INPP4B: variants seen among roughly 807,000 people sequenced by gnomAD.
INPP4B encodes the protein inositol polyphosphate 4-phosphatase type II.
INPP4B carries 55 observed loss-of-function variants against 122.5 expected under a neutral mutation model. The observed-to-expected ratio is 0.45, with a 90% CI of 0.36 to 0.56. The LOEUF (loss-of-function observed/expected upper bound fraction) is 0.56. INPP4B is among the 20% of genes least tolerant of loss of function. INPP4B has a pLI of 0.00. For synonymous variants in INPP4B, 403 were observed against 388.7 expected (o/e 1.04, Z -0.43); for missense variants, 1,000 against 1,097.7 (o/e 0.91, Z 1.26).
chr4:142,354,941 T>C (rs1164087528), intron 7 of INPP4B, among the ~76,000 whole-genome samples: 2 of 152,018 alleles, frequency 1.3e-5, no homozygotes, highest in Non-Finnish European at 2.9e-5. Context: ...TTGTCTCATC[T>C]GGGCTCACTC....
intron 2 of INPP4B, among the ~76,000 whole-genome samples, chr4:142,462,974 T>A (rs1817016060): frequency 6.6e-6 from 1 of 152,228 alleles, no homozygotes; most frequent in Non-Finnish European, 1.5e-5. Flanking sequence ...TGCTTAAGTG[T>A]GCCAAGTACT....
chr4:142,114,123 G>T (rs1415711399), intron 21 of INPP4B, among the ~76,000 whole-genome samples: 1 of 151,996 alleles, frequency 6.6e-6, no homozygotes, highest in East Asian at 1.9e-4. Flanking sequence ...AGTCATCCAT[G>T]TTGTGGCATG....
chr4:142,068,023 T>C (rs1764651226), intron 25 of INPP4B, among the ~76,000 whole-genome samples: 1 of 152,000 alleles, frequency 6.6e-6, no homozygotes, highest in African/African-American at 2.4e-5. Context: ...CCAAGACACA[T>C]AATTGTCAGA....
At chr4:142,130,473 G>C (rs149751000) in intron 18 of INPP4B, among the ~76,000 whole-genome samples, 30 of 152,254 alleles carry the variant, frequency 2.0e-4, no homozygotes, top group South Asian at 6.2e-4. Context: ...GAGGTCGATA[G>C]GGGTGGGGAT....
chr4:142,578,605 T>C (rs936256406), intron 2 of INPP4B, among the ~76,000 whole-genome samples: 11 of 151,882 alleles, frequency 7.2e-5, no homozygotes, highest in African/African-American at 2.7e-4. Flanking sequence ...TTCCTCTTCT[T>C]ATAAGGACAC....
At chr4:142,459,150 A>G (rs1410176924) in intron 3 of INPP4B, among the ~76,000 whole-genome samples, 1 of 152,184 alleles carries the variant, frequency 6.6e-6, no homozygotes, top group Non-Finnish European at 1.5e-5. Flanking sequence ...TGTGTTTGTT[A>G]GGAAAGGTTA....
chr4:142,082,240 T>C (rs917919465), intron 24 of INPP4B, 55 bp from the exon 25 acceptor site: 5 of 1,407,098 alleles, frequency 3.6e-6, no homozygotes, highest in African/African-American at 2.8e-5. Flanking sequence ...CCGTAAAGTG[T>C]CGGCCTCCTC....
At chr4:142,125,653 T>C (rs1798337340) in intron 18 of INPP4B, among the ~76,000 whole-genome samples, 1 of 152,092 alleles carries the variant, frequency 6.6e-6, no homozygotes, top group East Asian at 1.9e-4. Flanking sequence ...CTCCAGGAAG[T>C]CTTCCTTCAT....
chr4:142,175,023 T>C (rs1827453589), intron 15 of INPP4B, among the ~76,000 whole-genome samples: 1 of 152,056 alleles, frequency 6.6e-6, no homozygotes, highest in African/African-American at 2.4e-5. Context: ...GGAAGAGGCA[T>C]TCCAGCAGGA....
chr4:142,500,326 C>G (rs1241179224), intron 2 of INPP4B, among the ~76,000 whole-genome samples: 1 of 152,100 alleles, frequency 6.6e-6, no homozygotes, highest in East Asian at 1.9e-4. Context: ...CCCCTGAGGC[C>G]AGGACATTAC....
chr4:142,646,049 A>T (rs1039977423), intron 2 of INPP4B, among the ~76,000 whole-genome samples: 1 of 152,182 alleles, frequency 6.6e-6, no homozygotes. Context: ...GCCAGGGTAA[A>T]CTGAAGGATG....
chr4:142,277,762 C>T (rs745514627), intron 9 of INPP4B, among the ~76,000 whole-genome samples: 4 of 151,140 alleles, frequency 2.6e-5, no homozygotes, highest in African/African-American at 4.9e-5. Flanking sequence ...TTTGCAGCAA[C>T]CTGGATGGAA....
intron 14 of INPP4B, among the ~76,000 whole-genome samples, chr4:142,204,872 A>T (rs1842035478): frequency 6.6e-6 from 1 of 152,016 alleles, no homozygotes; most frequent in Admixed American, 6.6e-5. Context: ...CAGCCCCCAG[A>T]ATTGTGAAAA....
rs191288374 is a variant in INPP4B, at chr4:142,289,081, C to A, written c.503+16377G>T. The stretch of plus-strand genomic sequence containing the variant: ...TATCTTTATTATACTTTCTCCTCTC[C>A]ATTCTGGTATTGTTTAATAAATTGA... On this transcript the variant is annotated intron_variant, in intron 9 of 25. Coordinates refer to ENST00000262992, the MANE Select transcript of INPP4B (RefSeq NM_001101669.3). Among the ~76,000 whole-genome samples, 14 of 152,176 alleles carry A rather than the reference C, an allele frequency of 9.2e-5. No homozygotes were observed. The East Asian group carries it at 2.5e-3, about 27-fold the overall frequency.
At chr4:142,057,877 C>T (rs1282787121) in intron 25 of INPP4B, among the ~76,000 whole-genome samples, 4 of 152,100 alleles carry the variant, frequency 2.6e-5, no homozygotes, top group African/African-American at 9.7e-5. Context: ...TAAGACCCAA[C>T]TCAAATGCTT....
At position 142,438,217 on chromosome 4, in the gene INPP4B, G is replaced by C. The variant is rs150441901; in HGVS notation, c.-126-6832C>G. Among the ~76,000 whole-genome samples the C allele has an allele frequency of 3.7e-4, 57 of 152,118 alleles. No homozygotes were observed. The East Asian group carries it at 7.2e-3, about 19-fold the overall frequency. On this transcript the variant is annotated intron_variant, in intron 3 of 25. Transcript: ENST00000262992. ...AAAAAAACTACTTTAAAATTCATATGGAACCAAAAAAGAGCCTGTATAACA... is the reference window on the plus strand; with the variant it reads ...AAAAAAACTACTTTAAAATTCATATCGAACCAAAAAAGAGCCTGTATAACA...
At chr4:142,297,118 T>C (rs1391035355) in intron 9 of INPP4B, among the ~76,000 whole-genome samples, 1 of 152,342 alleles carries the variant, frequency 6.6e-6, no homozygotes. Flanking sequence ...TTCAACCTTT[T>C]ATTGCTAAAG....
At chr4:142,752,606 C>T (rs1769896924) in intron 1 of INPP4B, among the ~76,000 whole-genome samples, 1 of 152,052 alleles carries the variant, frequency 6.6e-6, no homozygotes, top group African/African-American at 2.4e-5. Context: ...TTAATGAGTC[C>T]TTCTTTTGTC....
chr4:142,714,788 A>G (rs952813879), intron 2 of INPP4B, among the ~76,000 whole-genome samples: 2 of 152,272 alleles, frequency 1.3e-5, no homozygotes, highest in Non-Finnish European at 1.5e-5. Flanking sequence ...CAGGAGCCCT[A>G]TGTGCTCACG....
Sources: allele counts gnomAD v4.1 joint callset (sites outside exome capture counted in the v4.1 genomes callset), GRCh38; gene constraint gnomAD v4.1.1; transcripts MANE v1.5; gene names NCBI Gene and HGNC (gene_info 2026-07-23, HGNC 2026-07-21).